CCAR1: variants seen among roughly 807,000 people sequenced by gnomAD.
CCAR1 encodes cell division cycle and apoptosis regulator 1, also known as cell division cycle and apoptosis regulator protein 1.
Under a neutral mutation model 163.8 loss-of-function variants are expected in CCAR1, and 78 were observed. The observed-to-expected ratio is 0.48, with a 90% confidence interval of 0.40 to 0.57. CCAR1 has a LOEUF of 0.57. CCAR1 is among the 20% of genes least tolerant of loss of function. The pLI, the probability that CCAR1 is intolerant of heterozygous loss-of-function variation, is 0.00. For missense variants in CCAR1, 1,019 were observed against 1,365.2 expected, an observed-to-expected ratio of 0.75 and a Z score of 4.00; for synonymous variants, 443 against 460.7, an observed-to-expected ratio of 0.96 and a Z score of 0.49.
At chr10:68,739,358 C>T (rs1589159024) in intron 4 of CCAR1, among the ~76,000 whole-genome samples, 1 of 152,248 alleles carries the variant, frequency 6.6e-6, no homozygotes. Flanking sequence ...ACCATGTTGG[C>T]CAAGCTGGTC....
intron 19 of CCAR1, among the ~76,000 whole-genome samples, chr10:68,783,561 A>T (rs2056761682): frequency 6.6e-6 from 1 of 152,038 alleles, no homozygotes; most frequent in African/African-American, 2.4e-5. Context: ...CGAGGTCAGG[A>T]GTTCGAGACC....
At chr10:68,723,992 C>G (rs1466666749) in intron 2 of CCAR1, among the ~76,000 whole-genome samples, 1 of 150,770 alleles carries the variant, frequency 6.6e-6, no homozygotes, top group South Asian at 2.1e-4. Context: ...AACCCTGTCT[C>G]TACTAAAAAT....
intron 19 of CCAR1, among the ~76,000 whole-genome samples, chr10:68,781,832 C>G (rs2056739940): frequency 9.5e-6 from 1 of 105,464 alleles, no homozygotes; most frequent in Non-Finnish European, 2.2e-5. Context: ...GCCTGGGCAA[C>G]AGGGCAACAC....
rs369461888 is a variant in CCAR1 at position 68,722,583 on chromosome 10, G to C, written c.73+6G>C. 6.2e-7 allele frequency: 1 copy of C among 1,604,554 alleles called. No homozygotes were observed. Among genetic ancestry groups the C allele is most frequent in the Non-Finnish European group, 8.5e-7 (1 of 1,171,564 alleles). On this transcript the variant is annotated splice_donor_region_variant and intron_variant, in intron 2 of 24. Coordinates refer to ENST00000265872, the MANE Select transcript of CCAR1 (RefSeq NM_018237.4). Reference sequence around the variant, plus strand: ...CACTGCAGTATCACAGCCAGGTCAGGCTTCTAAATACATGTACTGTAATTG... The same window carrying C: ...CACTGCAGTATCACAGCCAGGTCAGCCTTCTAAATACATGTACTGTAATTG...
chr10:68,772,814 T>C (rs1176975633), intron 18 of CCAR1, among the ~76,000 whole-genome samples, 174 bp from the exon 19 acceptor site: 1 of 150,340 alleles, frequency 6.7e-6, no homozygotes, highest in Non-Finnish European at 1.5e-5. Context: ...TATGATAATA[T>C]AATAATAATA....
At chr10:68,745,924 A>G (rs2056247884) in intron 6 of CCAR1, among the ~76,000 whole-genome samples, 1 of 152,062 alleles carries the variant, frequency 6.6e-6, no homozygotes, top group Non-Finnish European at 1.5e-5. Flanking sequence ...GGCATGAACC[A>G]CTGTACCTGG....
At position 68,753,982 on chromosome 10, in the gene CCAR1, T is replaced by C; in HGVS notation, c.1249T>C (p.Cys417Arg). 6.2e-7 allele frequency: 1 copy of C among 1,614,034 alleles called. No homozygotes were observed. Among genetic ancestry groups the C allele is most frequent in the Non-Finnish European group, 8.5e-7 (1 of 1,179,928 alleles). ...AAGACCATTTCAGCTGGGAAATTACTGCAATTTTTATGTAATGCACAGAGA... is the reference window on the plus strand; with the variant it reads ...AAGACCATTTCAGCTGGGAAATTACCGCAATTTTTATGTAATGCACAGAGA... ...LSRPFQLGNY[C>R]NFYVMHREVE... The change falls in exon 11 of 25, where the codon TGC becomes CGC. Residue 417 changes from cysteine (C) to arginine (R), a missense_variant. Physicochemically the swap from Cys to Arg is radical, Grantham distance 180. This residue lies in a region of CCAR1 where 644 missense variants were observed against 904.4 expected (regional missense o/e 0.71). Coordinates refer to ENST00000265872, the MANE Select transcript of CCAR1 (RefSeq NM_018237.4).
chr10:68,736,419 G>T (rs1564530620), intron 2 of CCAR1, among the ~76,000 whole-genome samples: 1 of 152,074 alleles, frequency 6.6e-6, no homozygotes, highest in African/African-American at 2.4e-5. Flanking sequence ...TGTAGTCAAC[G>T]TGATGTACAA....
chr10:68,732,165 G>A (rs1488769258), intron 2 of CCAR1, among the ~76,000 whole-genome samples: 1 of 152,162 alleles, frequency 6.6e-6, no homozygotes. Context: ...GGATGAAAGT[G>A]ATGTCATGAT....
At chr10:68,783,376 C>T (rs1285645448) in intron 19 of CCAR1, among the ~76,000 whole-genome samples, 5 of 151,578 alleles carry the variant, frequency 3.3e-5, no homozygotes, top group East Asian at 3.9e-4. Flanking sequence ...GATTTCACCA[C>T]GTTAGCCAGG....
intron 15 of CCAR1, 136 bp from the exon 16 acceptor site, chr10:68,760,871 A>T: frequency 2.6e-6 from 1 of 389,104 alleles, no homozygotes; most frequent in Non-Finnish European, 4.2e-6. Flanking sequence ...TTCAAAAAAA[A>T]CAAAAAACAA....
chr10:68,768,223 C>T (rs2056558880), intron 17 of CCAR1, among the ~76,000 whole-genome samples: 1 of 151,928 alleles, frequency 6.6e-6, no homozygotes, highest in Non-Finnish European at 1.5e-5. Context: ...AAATTATGTC[C>T]AAGTTGTTGG....
chr10:68,768,860 T>C (rs1250175448), intron 17 of CCAR1, among the ~76,000 whole-genome samples: 2 of 152,178 alleles, frequency 1.3e-5, no homozygotes, highest in African/African-American at 2.4e-5. Flanking sequence ...AAATAAATTA[T>C]AGTTATAATA....
chr10:68,771,503 TG>T, intron 18 of CCAR1, 58 bp downstream of exon 18: 1 of 1,407,016 alleles, frequency 7.1e-7, no homozygotes, highest in Non-Finnish European at 9.8e-7. Context: ...TTATAAAGGT[TG>T]ATGTTGATTT....
At chr10:68,752,921 TAGATAGATAGATAGATA>T (rs2056351700) in intron 10 of CCAR1, among the ~76,000 whole-genome samples, 3 of 151,572 alleles carry the variant, frequency 2.0e-5, no homozygotes, top group African/African-American at 7.3e-5. Flanking sequence ...GATAGATAGA[TAGATAGATAGATAGATA>T]GATTCTGTCT....
intron 2 of CCAR1, among the ~76,000 whole-genome samples, chr10:68,729,745 GAAATTTTGAATTTTAAAGTCTTTA>G: frequency 6.6e-6 from 1 of 151,176 alleles, no homozygotes; most frequent in Admixed American, 6.6e-5. Flanking sequence ...GGGTCAGTTT[GAAATTTTGAATTTTAAAGTCTTTA>G]AAAATTTCTT....
chr10:68,750,207 CTTTTTTCTTTTTTT>C (rs2056313219), intron 10 of CCAR1, among the ~76,000 whole-genome samples: 1 of 116,554 alleles, frequency 8.6e-6, no homozygotes. Flanking sequence ...TTTCTTTTTT[CTTTTTTCTTTTTTT>C]TTTTTTTTTT....
Position 68,788,277 on chromosome 10 carries a change from AAAGT to A in CCAR1, c.3140_3143del (p.Val1047GlufsTer4). On this transcript the variant is annotated frameshift_variant, in exon 23 of 25. Transcript: ENST00000265872. LOFTEE classifies it high-confidence loss of function. Reference sequence around the variant, plus strand: ...CTTGCAAAAATTGGAAAAGAGCGAAAAAGTAAGAGCTGAGGTAGAACAGAAGCTG... The same window carrying A: ...CTTGCAAAAATTGGAAAAGAGCGAAAAAGAGCTGAGGTAGAACAGAAGCTG... 6.3e-7 allele frequency: 1 copy of A among 1,599,192 alleles called. No homozygotes were observed. The highest frequency in any genetic ancestry group is 8.5e-7 in the Non-Finnish European group (1 of 1,175,550).
At chr10:68,766,755 C>A (rs756132203) in intron 17 of CCAR1, among the ~76,000 whole-genome samples, 11 of 152,150 alleles carry the variant, frequency 7.2e-5, no homozygotes, top group Non-Finnish European at 1.5e-4. Context: ...CGAACTCCAA[C>A]CTCAGGTGAT....
Sources: allele counts gnomAD v4.1 joint callset (sites outside exome capture counted in the v4.1 genomes callset), GRCh38; gene constraint gnomAD v4.1.1; regional missense constraint gnomAD v4.1.1; transcripts MANE v1.5; gene names NCBI Gene and HGNC (gene_info 2026-07-23, HGNC 2026-07-21).